Variants in ATL1 observed in about 807,000 individuals in gnomAD.
ATL1 encodes atlastin-1.
In ATL1, 31 loss-of-function variants were observed where a neutral mutation model predicts 75.5. The observed-to-expected ratio is 0.41, with a 90% CI of 0.31 to 0.55. ATL1 has a LOEUF of 0.55. Ranked by LOEUF, ATL1 falls within the 20% of genes least tolerant of loss-of-function variation. The pLI is 0.27. For synonymous variants in ATL1, 226 were observed against 233.3 expected, an observed-to-expected ratio of 0.97 and a Z score of 0.28; for missense variants, 405 against 662.6, an observed-to-expected ratio of 0.61 and a Z score of 4.27.
At chr14:50,560,788 G>C (rs544272911) in intron 1 of ATL1, among the ~76,000 whole-genome samples, 68 of 152,298 alleles carry the variant, frequency 4.5e-4, no homozygotes, top group Admixed American at 7.2e-4. Flanking sequence ...GGCGGCGGGC[G>C]GCGGGCGGCG....
intron 11 of ATL1, among the ~76,000 whole-genome samples, chr14:50,625,297 G>A (rs771101040): frequency 6.6e-6 from 1 of 152,188 alleles, no homozygotes; most frequent in Non-Finnish European, 1.5e-5. Flanking sequence ...TTGGAAGCTA[G>A]CAGAGGTTTT....
intron 1 of ATL1, among the ~76,000 whole-genome samples, chr14:50,538,219 G>C (rs922197151): frequency 5.9e-5 from 9 of 152,254 alleles, no homozygotes; most frequent in African/African-American, 2.2e-4. Context: ...CCCTCCCTTT[G>C]CCTATTGCCA....
chr14:50,552,121 T>C (rs1262246493), intron 1 of ATL1, among the ~76,000 whole-genome samples: 1 of 152,160 alleles, frequency 6.6e-6, no homozygotes, highest in Admixed American at 6.5e-5. Flanking sequence ...CCCTAAAGAC[T>C]CATCCAAAAA....
chr14:50,592,929 A>AAAAAATAT (rs562590227), intron 4 of ATL1, among the ~76,000 whole-genome samples: 12 of 113,882 alleles, frequency 1.1e-4, no homozygotes, highest in African/African-American at 3.9e-4. Flanking sequence ...AAAAAAAAAA[A>AAAAAATAT]ATATATATAT....
chr14:50,622,917 A>G (rs960603559), intron 10 of ATL1, among the ~76,000 whole-genome samples: 1 of 152,148 alleles, frequency 6.6e-6, no homozygotes, highest in South Asian at 2.1e-4. Context: ...GCTAAAAAAT[A>G]TTTTTTGAGA....
chr14:50,624,695 A>C (rs150051689), intron 11 of ATL1, among the ~76,000 whole-genome samples: 1 of 152,114 alleles, frequency 6.6e-6, no homozygotes, highest in Non-Finnish European at 1.5e-5. Context: ...AAAAGCTGAC[A>C]TAGGCCAAAA....
intron 6 of ATL1, among the ~76,000 whole-genome samples, chr14:50,611,220 CT>C (rs2039363162): frequency 6.6e-6 from 1 of 152,118 alleles, no homozygotes; most frequent in Non-Finnish European, 1.5e-5. Flanking sequence ...CACCGCTGAC[CT>C]TTCCAATTAC....
At chr14:50,622,590 C>T (rs1030535879) in intron 10 of ATL1, among the ~76,000 whole-genome samples, 6 of 151,806 alleles carry the variant, frequency 4.0e-5, no homozygotes, top group African/African-American at 1.5e-4. Context: ...TGCTTGAACC[C>T]AGGAGATGGA....
At chr14:50,600,762 A>T (rs1232908152) in intron 6 of ATL1, among the ~76,000 whole-genome samples, 4 of 152,084 alleles carry the variant, frequency 2.6e-5, no homozygotes, top group Non-Finnish European at 5.9e-5. Context: ...ATTGCCTGAG[A>T]AAGTAAGGTG....
chr14:50,578,632 C>T (rs76984655), intron 1 of ATL1, among the ~76,000 whole-genome samples: 5,105 of 152,272 alleles, frequency 0.034, 229 homozygotes, highest in South Asian at 0.24. Context: ...ATTGTACACA[C>T]TGTATTATAC....
chr14:50,554,462 G>A (rs1426584462), intron 1 of ATL1, among the ~76,000 whole-genome samples: 2 of 152,182 alleles, frequency 1.3e-5, no homozygotes, highest in African/African-American at 4.8e-5. Context: ...TGCAAGATTG[G>A]TGGGAAGAAT....
upstream of ATL1, among the ~76,000 whole-genome samples, chr14:50,558,220 G>C (rs559635528): frequency 6.6e-6 from 1 of 152,160 alleles, no homozygotes; most frequent in Non-Finnish European, 1.5e-5. Context: ...ACAGCCAGGC[G>C]TGCTGGCGAC....
chr14:50,588,397 T>G (rs957503164), intron 2 of ATL1, among the ~76,000 whole-genome samples: 3 of 152,246 alleles, frequency 2.0e-5, no homozygotes, highest in African/African-American at 4.8e-5. Flanking sequence ...ATTTTTGTAT[T>G]GTAATCACTT....
chr14:50,628,312 C>T lies in ATL1; in HGVS notation c.1401C>T (p.Phe467=), dbSNP rs914697224. ...ITYVIAGVTG[F]IGLDIIASLC... is the part of the protein sequence containing the mutation. ...ATGTGATTGCTGGTGTGACTGGATT[C>T]ATTGGTTTGGACATCATAGCTAGCC... is the stretch of plus-strand genomic sequence containing the variant. Residue 467 remains phenylalanine (F), a synonymous_variant, in exon 12 of 14, where the codon TTC becomes TTT. Transcript: ENST00000358385. The T allele has an allele frequency of 1.2e-6, 2 of 1,613,978 alleles. No individual in the cohort carries two copies. The highest frequency in any genetic ancestry group is 2.7e-5 in the African/African-American group (2 of 74,888).
At chr14:50,605,581 C>G (rs1273058728) in intron 6 of ATL1, among the ~76,000 whole-genome samples, 1 of 151,824 alleles carries the variant, frequency 6.6e-6, no homozygotes, top group South Asian at 2.1e-4. Flanking sequence ...AATTTAGAAC[C>G]TTTGTCCAAT....
At chr14:50,622,006 GATT>G (rs1371465691) in intron 10 of ATL1, 107 bp downstream of exon 10, 2 of 814,912 alleles carry the variant, frequency 2.5e-6, no homozygotes, top group East Asian at 2.6e-5. Flanking sequence ...TTTATTGGAA[GATT>G]ATTTGCCTAA....
chr14:50,614,872 T>G (rs1021244513), intron 8 of ATL1, among the ~76,000 whole-genome samples: 9 of 152,332 alleles, frequency 5.9e-5, no homozygotes, highest in Middle Eastern at 6.8e-3. Flanking sequence ...TGGAATTCTG[T>G]ATTAAGTTAT....
At chr14:50,603,896 A>T (rs535618362) in intron 6 of ATL1, among the ~76,000 whole-genome samples, 16 of 152,148 alleles carry the variant, frequency 1.1e-4, no homozygotes, top group Non-Finnish European at 2.1e-4. Flanking sequence ...TGAGAGCTGT[A>T]TGGATTAGAA....
At chr14:50,567,180 A>G (rs899362100) in intron 1 of ATL1, among the ~76,000 whole-genome samples, 3 of 151,974 alleles carry the variant, frequency 2.0e-5, no homozygotes, top group African/African-American at 7.3e-5. Context: ...TTTCACTATG[A>G]CTTTGACTAC....
Sources: gnomAD v4.1 joint callset for allele counts (sites outside exome capture counted in the v4.1 genomes callset) on GRCh38, gnomAD v4.1.1 for gene constraint, MANE v1.5 for transcripts, NCBI Gene and HGNC (gene_info 2026-07-23, HGNC 2026-07-21) for gene names.